The following WDR62 variants were observed in gnomAD, a reference collection of about 807,000 sequenced individuals.
WDR62 encodes WD repeat-containing protein 62.
WDR62 carries 112 observed loss-of-function variants against 160.6 expected under a neutral mutation model. The ratio of observed to expected loss-of-function variants is 0.70; its 90% CI spans 0.60 to 0.82. The LOEUF (loss-of-function observed/expected upper bound fraction) is 0.82. WDR62 is among the 40% of genes least tolerant of loss of function. The pLI, the probability that WDR62 is intolerant of heterozygous loss-of-function variation, is 0.00. For missense variants in WDR62, 1,819 were observed against 1,983.8 expected, an observed-to-expected ratio of 0.92 and a Z score of 1.58; for synonymous variants, 792 against 815.1, an observed-to-expected ratio of 0.97 and a Z score of 0.48.
chr19:36,102,659 G>A (rs1444005049), intron 26 of WDR62, 78 bp from the exon 27 acceptor site: 10 of 1,322,884 alleles, frequency 7.6e-6, no homozygotes, highest in Non-Finnish European at 1.1e-5. Context: ...GGAGTGCCCC[G>A]CTGGGCTGTG....
rs1264406959 is a variant in WDR62 at position 36,103,870 on chromosome 19, C to A, written c.4042C>A (p.Leu1348Ile). The change falls in exon 30 of 32, where the codon CTC becomes ATC. Residue 1348 changes from leucine (L) to isoleucine (I), a missense_variant. Coordinates refer to ENST00000401500, the MANE Select transcript of WDR62 (RefSeq NM_001083961.2). ...CCACGGCTCTGCCTTTCGCCCAAGTCTCCCAGCTCCTGAGTCCCCTGGCCT... is the reference window on the plus strand; with the variant it reads ...CCACGGCTCTGCCTTTCGCCCAAGTATCCCAGCTCCTGAGTCCCCTGGCCT... Reference protein sequence around the residue: ...RLHGSAFRPSLPAPESPGLPA... With the variant: ...RLHGSAFRPSIPAPESPGLPA... 6.2e-7 allele frequency: 1 copy of A among 1,601,832 alleles called. No homozygotes were observed. The highest frequency in any genetic ancestry group is 1.1e-5 in the South Asian group (1 of 91,072).
In WDR62 at chr19:36,099,507, C is replaced by G. The variant is rs1458485110; in HGVS notation, c.2629C>G (p.Leu877Val). 2 of 1,614,064 alleles carry G rather than the reference C, an allele frequency of 1.2e-6. No homozygotes were observed. Among genetic ancestry groups the G allele is most frequent in the East Asian group, 2.2e-5 (1 of 44,888 alleles). ...RAGQEPLKTI[L>V]DAQDLDCYFT... ...CGGCCAAGAGCCCCTCAAGACCATCCTGGATGCCCAGGACCTGGATTGCTA... is the reference window on the plus strand; with the variant it reads ...CGGCCAAGAGCCCCTCAAGACCATCGTGGATGCCCAGGACCTGGATTGCTA... Residue 877 changes from leucine (L) to valine (V), a missense_variant, in exon 22 of 32, where the codon CTG (leucine) becomes GTG (valine). Around this residue, in one of 3 missense-constraint regions of WDR62, gnomAD observed 934 missense variants for 1,157.2 expected, o/e 0.81. Coordinates refer to ENST00000401500, the MANE Select transcript of WDR62 (RefSeq NM_001083961.2).
At chr19:36,079,276 TC>T (rs1262620777) in intron 9 of WDR62, among the ~76,000 whole-genome samples, 1 of 152,134 alleles carries the variant, frequency 6.6e-6, no homozygotes, top group Non-Finnish European at 1.5e-5. Context: ...AGATGGGATC[TC>T]ATTATACTGC....
At chr19:36,106,485 C>T (rs931312079), downstream of WDR62, among the ~76,000 whole-genome samples, 4 of 152,082 alleles carry the variant, frequency 2.6e-5, no homozygotes, top group African/African-American at 9.7e-5. Context: ...CAAACAGATG[C>T]AGGAATTAGA....
At chr19:36,055,876 A>G (rs1970337494) in intron 1 of WDR62, among the ~76,000 whole-genome samples, 1 of 152,140 alleles carries the variant, frequency 6.6e-6, no homozygotes, top group Admixed American at 6.5e-5. Context: ...GATGATAAGA[A>G]CCATACTACT....
intron 19 of WDR62, among the ~76,000 whole-genome samples, chr19:36,093,176 G>A (rs190128752): frequency 3.4e-4 from 52 of 152,206 alleles, no homozygotes; most frequent in Middle Eastern, 3.4e-3. Context: ...AGTGTTTGGC[G>A]AGCCTCTCAG....
chr19:36,100,003 C>G (rs543023188), intron 22 of WDR62, among the ~76,000 whole-genome samples: 2 of 152,286 alleles, frequency 1.3e-5, no homozygotes, highest in South Asian at 4.1e-4. Flanking sequence ...GTAATCCCAG[C>G]ATTTGGGGAG....
Position 36,100,742 on chromosome 19 carries a change from C to A in WDR62, c.2740-6C>A. Reference sequence around the variant, plus strand: ...CCTCAGAATGGCTGTGCTGTCTTCCCCATAGTCAGAGAGTCCCCAGGAAGC... The same window carrying A: ...CCTCAGAATGGCTGTGCTGTCTTCCACATAGTCAGAGAGTCCCCAGGAAGC... On this transcript the variant is annotated splice_region_variant and splice_polypyrimidine_tract_variant and intron_variant, in intron 22 of 31. Coordinates refer to ENST00000401500, the MANE Select transcript of WDR62 (RefSeq NM_001083961.2). The A allele has an allele frequency of 1.2e-6, 2 of 1,613,922 alleles. No homozygotes were observed. Among genetic ancestry groups the A allele is most frequent in the South Asian group, 2.2e-5 (2 of 91,056 alleles).
At chr19:36,097,206 G>A in intron 21 of WDR62, 127 bp downstream of exon 21, 1 of 884,682 alleles carries the variant, frequency 1.1e-6, no homozygotes, top group Non-Finnish European at 1.8e-6. Context: ...CATCCTTCCA[G>A]GCTCAGTGAG....
In WDR62 at chr19:36,101,427, G is replaced by C. The variant is rs907172648; in HGVS notation, c.2971+110G>C. 4.9e-5 allele frequency: 52 copies of C among 1,059,796 alleles called. No homozygotes were observed. The East Asian group carries it at 1.3e-3, about 26-fold the overall frequency. The allele number at this position is 1,059,796 out of a possible 1,614,324, so 65.6% of individuals were successfully genotyped here. A position where few individuals can be genotyped will look rare whatever the true frequency, so the allele number is the denominator to read the frequency against. On this transcript the variant is annotated intron_variant, in intron 24 of 31. Transcript: ENST00000401500. ...AGTACTGAAGCTCAGAGTCTGTCGA[G>C]GAAGACACATGTGGTCCCTGCTGCT...
rs1290975005 is a variant in WDR62 at position 36,103,059 on chromosome 19, C to CCCAG, written c.3448_3451dup (p.Asp1151AlafsTer13). 3.7e-6 allele frequency: 6 copies of CCCAG among 1,614,092 alleles called. No individual in the cohort carries two copies. The highest frequency in any genetic ancestry group is 5.1e-6 in the Non-Finnish European group (6 of 1,180,042). On this transcript the variant is annotated frameshift_variant, in exon 28 of 32. Coordinates refer to ENST00000401500, the MANE Select transcript of WDR62 (RefSeq NM_001083961.2). LOFTEE classifies it high-confidence loss of function. ...CCAGAGCAGGTACTGGCTACGCCTC[C>CCCAG]CCAGACAGGACCCACGTGAGTATTG...
chr19:36,091,892 C>A (rs1240803027), intron 18 of WDR62, among the ~76,000 whole-genome samples: 3 of 148,914 alleles, frequency 2.0e-5, no homozygotes, highest in Middle Eastern at 3.5e-3. Flanking sequence ...AAAAAAAAAA[C>A]AAAACACTAA....
chr19:36,099,316 G>C (rs965890462), intron 21 of WDR62, 83 bp from the exon 22 acceptor site: 21 of 1,150,224 alleles, frequency 1.8e-5, no homozygotes, highest in Non-Finnish European at 2.7e-5. Flanking sequence ...CAAGAGTCCA[G>C]ATGGGCTGTG....
At position 36,068,017 on chromosome 19, in the gene WDR62, C is replaced by T. The variant is rs1971036738; in HGVS notation, c.882+7C>T. On this transcript the variant is annotated splice_region_variant and intron_variant, in intron 7 of 31. Coordinates refer to ENST00000401500, the MANE Select transcript of WDR62 (RefSeq NM_001083961.2). ...GAAGTGGATCAACCTGAAGGTACCA[C>T]CTCCCTCTCTGCCATCAGCTGGACA... 2.5e-6 allele frequency: 4 copies of T among 1,612,474 alleles called. No individual in the cohort carries two copies. Among genetic ancestry groups the T allele is most frequent in the Non-Finnish European group, 3.4e-6 (4 of 1,179,264 alleles).
In WDR62 at chr19:36,060,026, G is replaced by T. The variant is rs200316266; in HGVS notation, c.328G>T (p.Ala110Ser). 1 of 1,614,156 alleles carries T rather than the reference G, an allele frequency of 6.2e-7. No homozygotes were observed. Among genetic ancestry groups the T allele is most frequent in the South Asian group, 1.1e-5 (1 of 91,080 alleles). ...ENKQQHIFNT[A>S]RKSLSALAFS... Reference sequence around the variant, plus strand: ...CAAGCAGCAGCACATCTTTAACACCGCCAGGTAGGCTGAGGCCTGGGCCCG... The same window carrying T: ...CAAGCAGCAGCACATCTTTAACACCTCCAGGTAGGCTGAGGCCTGGGCCCG... Residue 110 changes from alanine to serine, a missense_variant, in exon 3 of 32, where the codon GCC becomes TCC. Coordinates refer to ENST00000401500, the MANE Select transcript of WDR62 (RefSeq NM_001083961.2).
downstream of WDR62, among the ~76,000 whole-genome samples, chr19:36,109,118 T>C (rs572703734): frequency 6.6e-6 from 1 of 152,194 alleles, no homozygotes; most frequent in Middle Eastern, 3.4e-3. Context: ...CCCAAATGAA[T>C]TGGCACAACT....
Position 36,060,022 on chromosome 19 carries a change from C to T in WDR62, c.324C>T (p.Asn108=), listed in dbSNP as rs764098915. Residue 108 remains asparagine (N), a synonymous_variant, in exon 3 of 32, where the codon AAC becomes AAT. Transcript: ENST00000401500. ...AGAACAAGCAGCAGCACATCTTTAACACCGCCAGGTAGGCTGAGGCCTGGG... is the reference window on the plus strand; with the variant it reads ...AGAACAAGCAGCAGCACATCTTTAATACCGCCAGGTAGGCTGAGGCCTGGG... The part of the protein sequence containing the change: ...PKENKQQHIF[N]TARKSLSALA... 6.2e-7 allele frequency: 1 copy of T among 1,614,230 alleles called. No homozygotes were observed. The highest frequency in any genetic ancestry group is 1.7e-5 in the Admixed American group (1 of 60,030).
intron 7 of WDR62, among the ~76,000 whole-genome samples, chr19:36,069,490 G>A (rs1022588346): frequency 1.7e-4 from 25 of 151,260 alleles, no homozygotes; most frequent in Non-Finnish European, 2.9e-4. Flanking sequence ...GGGAAGAGGC[G>A]CTCCTCACTT....
rs1411164382 is a variant in WDR62 at position 36,091,426 on chromosome 19, C to T, written c.2171C>T (p.Thr724Ile). The part of the protein sequence containing the change: ...HSEIITSMKF[T>I]YDCHHLITVS... ...GAAATTATTACCAGCATGAAGTTCA[C>T]CTATGACTGTCATCACTTGATCACA... The change falls in exon 18 of 32, where the codon ACC (threonine) becomes ATC (isoleucine). Residue 724 changes from threonine (T) to isoleucine (I), a missense_variant. By Grantham distance (89) the Thr-to-Ile change is moderately conservative. Transcript: ENST00000401500. The T allele has an allele frequency of 6.4e-7, 1 of 1,573,722 alleles. No homozygotes were observed. The highest frequency in any genetic ancestry group is 2.4e-5 in the East Asian group (1 of 41,638).
Sources: gnomAD v4.1 joint callset for allele counts (sites outside exome capture counted in the v4.1 genomes callset) on GRCh38, gnomAD v4.1.1 for gene constraint, gnomAD v4.1.1 regional missense constraint, MANE v1.5 for transcripts, NCBI Gene and HGNC (gene_info 2026-07-23, HGNC 2026-07-21) for gene names.